The following CACNB4 variants were observed in gnomAD, a reference collection of about 807,000 sequenced individuals.
The protein encoded by CACNB4 is voltage-dependent L-type calcium channel subunit beta-4.
A neutral mutation model predicts 71.2 loss-of-function variants in CACNB4; 32 were observed. That is an observed-to-expected ratio of 0.45 (90% CI 0.34 to 0.60). The LOEUF (loss-of-function observed/expected upper bound fraction) is 0.60. Among genes scored for constraint, CACNB4 ranks in the 20% least tolerant of loss-of-function variants. CACNB4 has a pLI of 0.01. For synonymous variants in CACNB4, 231 were observed against 236.9 expected, an observed-to-expected ratio of 0.97 and a Z score of 0.23; for missense variants, 464 against 647.9, an observed-to-expected ratio of 0.72 and a Z score of 3.08.
In CACNB4 at chr2:152,098,276, C is replaced by T. The variant is rs1688390934; in HGVS notation, c.147+54G>A. ...GGGCCACGGCCGGCTCCAGGACCCC[C>T]GCGCCGCGCGCTCGGCCTCCTCCCC... On this transcript the variant is annotated intron_variant, in intron 2 of 13. Coordinates refer to ENST00000539935, the MANE Select transcript of CACNB4 (RefSeq NM_000726.5). This position sits in a 1 kb window ranked among gnomAD's most constrained non-coding sequence, Gnocchi z 5.3. The T allele has an allele frequency of 6.9e-7, 1 of 1,450,998 alleles. No individual in the cohort carries two copies. The highest frequency in any genetic ancestry group is 1.1e-5 in the South Asian group (1 of 87,718). The allele number at this position is 1,450,998 out of a possible 1,614,324, so 89.9% of individuals were successfully genotyped here. A position where few individuals can be genotyped will look rare whatever the true frequency, so the allele number is the denominator to read the frequency against.
chr2:151,905,378 G>A (rs114873853), intron 2 of CACNB4, among the ~76,000 whole-genome samples: 2 of 152,142 alleles, frequency 1.3e-5, no homozygotes, highest in Non-Finnish European at 2.9e-5. Context: ...ACATCTTCCC[G>A]ATGTGCACTC....
At position 151,843,094 on chromosome 2, in the gene CACNB4, A is replaced by G. The variant is rs77371477; in HGVS notation, c.1117-1006T>C. Among the ~76,000 whole-genome samples the G allele has an allele frequency of 4.5e-3, 679 of 152,294 alleles. 12 individuals are homozygous for G. In the East Asian group the frequency reaches 0.066, roughly 15 times the overall value. Reference sequence around the variant, plus strand: ...GTCACAAAAGAAGTATCTGCTGTCCACGTTTCGGACAGTAAGGCCATTGTT... The same window carrying G: ...GTCACAAAAGAAGTATCTGCTGTCCGCGTTTCGGACAGTAAGGCCATTGTT... On this transcript the variant is annotated intron_variant, in intron 12 of 13. Coordinates refer to ENST00000539935, the MANE Select transcript of CACNB4 (RefSeq NM_000726.5).
intron 2 of CACNB4, chr2:151,969,153 G>C (rs2099871886): frequency 1.3e-5 from 2 of 152,140 alleles, no homozygotes; most frequent in Non-Finnish European, 2.9e-5. Flanking sequence ...AGCAACATTT[G>C]GTTTTCTTCT....
chr2:151,883,656 T>C, intron 2 of CACNB4: 1 of 424,466 alleles, frequency 2.4e-6, no homozygotes. Context: ...TGTTTTGTGC[T>C]ATATTAAGCC....
rs1250747396 is a variant in CACNB4 at position 151,835,061 on chromosome 2, A to T, written c.*4058T>A. The T allele has an allele frequency of 6.6e-6, 1 of 151,950 alleles. No individual in the cohort carries two copies. The highest frequency in any genetic ancestry group is 1.9e-4 in the East Asian group (1 of 5,194). The allele number at this position is 151,950 out of a possible 1,614,324, so 9.4% of individuals were successfully genotyped here. A position where few individuals can be genotyped will look rare whatever the true frequency, so the allele number is the denominator to read the frequency against. ...TCCTTACCCAGTAAATGGCTAAGTCATGCTCTGTGGAAGTCAAGGACCAAC... is the reference window on the plus strand; with the variant it reads ...TCCTTACCCAGTAAATGGCTAAGTCTTGCTCTGTGGAAGTCAAGGACCAAC... On this transcript the variant is annotated 3_prime_UTR_variant, in exon 14 of 14. Transcript: ENST00000539935.
At chr2:151,927,697 C>G (rs557852845) in intron 2 of CACNB4, among the ~76,000 whole-genome samples, 1 of 152,222 alleles carries the variant, frequency 6.6e-6, no homozygotes, top group Admixed American at 6.5e-5. Context: ...GCGTGCTTCA[C>G]CCAAGTCTTA....
At chr2:152,056,344 G>A (rs971769764) in intron 2 of CACNB4, among the ~76,000 whole-genome samples, 1 of 149,922 alleles carries the variant, frequency 6.7e-6, no homozygotes, top group African/African-American at 2.5e-5. Flanking sequence ...CTGGGTGACA[G>A]AGTGAGACTC....
chr2:152,074,161 G>A (rs1248862899), intron 2 of CACNB4, among the ~76,000 whole-genome samples: 1 of 151,900 alleles, frequency 6.6e-6, no homozygotes, highest in Non-Finnish European at 1.5e-5. Flanking sequence ...GAGCAACAGA[G>A]GTGAGGAACC....
intron 2 of CACNB4, among the ~76,000 whole-genome samples, chr2:152,086,521 G>C (rs1445238995): frequency 2.6e-5 from 4 of 152,128 alleles, no homozygotes; most frequent in Non-Finnish European, 5.9e-5. Flanking sequence ...CTTAAATATT[G>C]TATTTAGCTT....
rs796161186 is a variant in CACNB4, at chr2:152,035,651, C to CTCTATATATA, written c.147+62678_147+62679insTATATATAGA. ...TCTCCCTCTCTCTCTCTCTCTCTCT[C>CTCTATATATA]TATATATATATATATATGTATGTAT... On this transcript the variant is annotated intron_variant, in intron 2 of 13. Transcript: ENST00000539935. 2.9e-4 allele frequency among the ~76,000 whole-genome samples: 34 copies of CTCTATATATA among 118,076 alleles called. 1 individual carries two copies. The highest frequency in any genetic ancestry group is 6.0e-4 in the Admixed American group (7 of 11,660). The allele number at this position is 118,076 out of a possible 152,430, so 77.5% of individuals were successfully genotyped here.
At chr2:152,072,777 A>G (rs940907927) in intron 2 of CACNB4, among the ~76,000 whole-genome samples, 1 of 149,948 alleles carries the variant, frequency 6.7e-6, no homozygotes, top group African/African-American at 2.5e-5. Context: ...AGTAGCTGGG[A>G]CTACAGGCGC....
intron 2 of CACNB4, among the ~76,000 whole-genome samples, chr2:152,080,586 A>G (rs1167847230): frequency 6.6e-6 from 1 of 152,164 alleles, no homozygotes; most frequent in African/African-American, 2.4e-5. Context: ...TAGTTTCTAG[A>G]AAGTTCAGAC....
intron 2 of CACNB4, among the ~76,000 whole-genome samples, chr2:152,041,472 A>T (rs1684869959): frequency 6.6e-6 from 1 of 152,216 alleles, no homozygotes; most frequent in East Asian, 1.9e-4. Flanking sequence ...TCATAATATG[A>T]CAGTGGGAAG....
chr2:152,038,936 T>G (rs1020053453), intron 2 of CACNB4, among the ~76,000 whole-genome samples: 1 of 152,160 alleles, frequency 6.6e-6, no homozygotes, highest in Admixed American at 6.5e-5. Flanking sequence ...TGCTGGCCCA[T>G]TGGCTAGAGC....
intron 13 of CACNB4, 132 bp from the exon 14 acceptor site, chr2:151,839,511 C>T: frequency 1.5e-6 from 1 of 686,916 alleles, no homozygotes; most frequent in Non-Finnish European, 2.5e-6. Flanking sequence ...TCCTGATGCA[C>T]CAATGATCTG....
At chr2:152,097,110 T>C (rs564067983) in intron 2 of CACNB4, among the ~76,000 whole-genome samples, 1 of 152,238 alleles carries the variant, frequency 6.6e-6, no homozygotes, top group Non-Finnish European at 1.5e-5. Context: ...ATTTCCATAA[T>C]GTACATGCTT....
In CACNB4 at chr2:152,096,697, C is replaced by A. The variant is rs556432593; in HGVS notation, c.147+1633G>T. On this transcript the variant is annotated intron_variant, in intron 2 of 13. Transcript: ENST00000539935. ...TGCAATACTTTTAACATTTCTTAAG[C>A]CAGCACATAGCAGCACGCTTTACAA... Among the ~76,000 whole-genome samples the A allele has an allele frequency of 2.0e-5, 3 of 152,228 alleles. No individual in the cohort carries two copies. In the South Asian group the frequency reaches 6.2e-4, roughly 32 times the overall value.
intron 2 of CACNB4, among the ~76,000 whole-genome samples, chr2:151,914,005 AT>A (rs1386991558): frequency 6.6e-6 from 1 of 151,978 alleles, no homozygotes; most frequent in Non-Finnish European, 1.5e-5. Context: ...TATTTCCTGA[AT>A]TTGCACGTTG....
intron 2 of CACNB4, among the ~76,000 whole-genome samples, chr2:152,066,424 C>G (rs201117999): frequency 6.6e-6 from 1 of 151,986 alleles, no homozygotes; most frequent in East Asian, 1.9e-4. Flanking sequence ...CAGAGAAATG[C>G]AAATCAAAAC....
Sources: allele counts gnomAD v4.1 joint callset (sites outside exome capture counted in the v4.1 genomes callset), GRCh38; gene constraint gnomAD v4.1.1; non-coding constraint Gnocchi (gnomAD v3.1); transcripts MANE v1.5; gene names NCBI Gene and HGNC (gene_info 2026-07-23, HGNC 2026-07-21).